Variants in PCDHGC3 observed in about 807,000 individuals in gnomAD.
PCDHGC3 encodes protocadherin gamma subfamily C, 3, also known as protocadherin gamma-C3.
Under a neutral mutation model 59.2 loss-of-function variants are expected in PCDHGC3, and 26 were observed. The observed-to-expected ratio is 0.44, with a 90% CI of 0.32 to 0.61. The LOEUF (loss-of-function observed/expected upper bound fraction) is 0.61. PCDHGC3 is among the 20% of genes least tolerant of loss of function. PCDHGC3 has a pLI of 0.05. For missense variants in PCDHGC3, 1,080 were observed against 1,221.8 expected (o/e 0.88, Z 1.73); for synonymous variants, 487 against 519.7 (o/e 0.94, Z 0.86).
At chr5:141,508,570 C>T (rs1164806696) in intron 3 of PCDHGC3, among the ~76,000 whole-genome samples, 21 of 152,198 alleles carry the variant, frequency 1.4e-4, no homozygotes. Context: ...GTCACTTGCA[C>T]CCACTCGGGG....
In PCDHGC3 at chr5:141,486,487, C is replaced by T; in HGVS notation, c.2430+7941C>T. ...CTGGGAACCCTCCTCTCAGTACCCA[C>T]AGAACTATTTTCCTCAATATTTCAG... On this transcript the variant is annotated intron_variant, in intron 1 of 3. Coordinates refer to ENST00000308177, the MANE Select transcript of PCDHGC3 (RefSeq NM_002588.4). This position sits in a 1 kb window ranked among gnomAD's most constrained non-coding sequence, Gnocchi z 5.0. 1 of 1,614,086 alleles carries T rather than the reference C, an allele frequency of 6.2e-7. No individual in the cohort carries two copies. Among genetic ancestry groups the T allele is most frequent in the Non-Finnish European group, 8.5e-7 (1 of 1,179,918 alleles).
At chr5:141,492,553 G>A (rs1184580300) in intron 1 of PCDHGC3, among the ~76,000 whole-genome samples, 1 of 152,148 alleles carries the variant, frequency 6.6e-6, no homozygotes, top group Non-Finnish European at 1.5e-5. Flanking sequence ...CGGGTCGCCT[G>A]GGGGGCGGCC....
At chr5:141,492,237 C>G (rs2099738580) in intron 1 of PCDHGC3, among the ~76,000 whole-genome samples, 1 of 152,206 alleles carries the variant, frequency 6.6e-6, no homozygotes, top group Admixed American at 6.5e-5. Flanking sequence ...TCCCTGCTGG[C>G]CACCCCCACG....
Position 141,478,323 on chromosome 5 carries a change from G to T in PCDHGC3, c.2207G>T (p.Arg736Leu), listed in dbSNP as rs1234175290. The T allele has an allele frequency of 1.2e-6, 2 of 1,613,958 alleles. No homozygotes were observed. Among genetic ancestry groups the T allele is most frequent in the African/African-American group, 2.7e-5 (2 of 75,082 alleles). Residue 736 changes from arginine (R) to leucine (L), a missense_variant, in exon 1 of 4, where the codon CGA (arginine) becomes CTA (leucine). By Grantham distance (102) the Arg-to-Leu change is moderately radical. Transcript: ENST00000308177. Reference protein sequence around the residue: ...LYRAPVSSLYRTPGPSLHADA... With the variant: ...LYRAPVSSLYLTPGPSLHADA... ...CGAGCCCCGGTGAGCTCACTGTACCGAACACCAGGGCCCTCCTTGCACGCG... is the reference window on the plus strand; with the variant it reads ...CGAGCCCCGGTGAGCTCACTGTACCTAACACCAGGGCCCTCCTTGCACGCG...
At chr5:141,481,943 G>C (rs1454871018) in intron 1 of PCDHGC3, among the ~76,000 whole-genome samples, 1 of 148,544 alleles carries the variant, frequency 6.7e-6, no homozygotes, top group South Asian at 2.1e-4. Context: ...AAATCAGCCA[G>C]ATGTGGTGGC....
Position 141,481,770 on chromosome 5 carries a change from G to T in PCDHGC3, c.2430+3224G>T, listed in dbSNP as rs188953511. 6.1e-3 allele frequency among the ~76,000 whole-genome samples: 929 copies of T among 152,184 alleles called. 10 individuals are homozygous for T. Among genetic ancestry groups the T allele is most frequent in the African/African-American group, 0.022 (895 of 41,516 alleles). On this transcript the variant is annotated intron_variant, in intron 1 of 3. Coordinates refer to ENST00000308177, the MANE Select transcript of PCDHGC3 (RefSeq NM_002588.4). ...AGTCCAAGACCAGCCTGGCCAACAT[G>T]GTGAAACCCCGTCTCTACTAAAAAT... is the stretch of plus-strand genomic sequence containing the variant.
rs2099411055 is a variant in PCDHGC3, at chr5:141,477,429, C to T, written c.1313C>T (p.Ser438Leu). 6.2e-7 allele frequency: 1 copy of T among 1,614,218 alleles called. No individual in the cohort carries two copies. Among genetic ancestry groups the T allele is most frequent in the South Asian group, 1.1e-5 (1 of 91,082 alleles). The part of the protein sequence containing the change: ...TARDAGTPSL[S>L]ALTIVRVQVS... ...CGAGACGCCGGAACCCCTTCCCTCT[C>T]AGCCCTTACAATAGTGCGTGTTCAA... Residue 438 changes from serine to leucine, a missense_variant, in exon 1 of 4, where the codon TCA (serine) becomes TTA (leucine). Coordinates refer to ENST00000308177, the MANE Select transcript of PCDHGC3 (RefSeq NM_002588.4). The surrounding 1 kb of genome is among the most constrained non-coding windows in gnomAD (Gnocchi z 4.9).
At chr5:141,501,198 G>C (rs2299024) in intron 2 of PCDHGC3, among the ~76,000 whole-genome samples, 89,086 of 151,686 alleles carry the variant, frequency 0.59, 27,759 homozygotes, top group African/African-American at 0.8. Context: ...TAAATTCAGG[G>C]TGTTGTCAGG....
chr5:141,494,115 GC>G (rs1445167222), intron 1 of PCDHGC3, among the ~76,000 whole-genome samples: 1 of 152,186 alleles, frequency 6.6e-6, no homozygotes, highest in African/African-American at 2.4e-5. Context: ...AGACAGAGCA[GC>G]CTTGTTCTCT....
rs1046764113 is a variant in PCDHGC3, at chr5:141,495,395, G to A, written c.2489+530G>A. Among the ~76,000 whole-genome samples the A allele has an allele frequency of 4.1e-4, 62 of 152,326 alleles. 1 individual carries two copies. The highest frequency in any genetic ancestry group is 1.4e-3 in the African/African-American group (57 of 41,576). On this transcript the variant is annotated intron_variant, in intron 2 of 3. Transcript: ENST00000308177. Reference sequence around the variant, plus strand: ...GAGGAAGGACTGGGCGGGGCATGGAGCAGGCCCCCTTCTCCGGCCCCTCCT... The same window carrying A: ...GAGGAAGGACTGGGCGGGGCATGGAACAGGCCCCCTTCTCCGGCCCCTCCT...
In PCDHGC3 at chr5:141,478,285, T is replaced by G. The variant is rs1468354835; in HGVS notation, c.2169T>G (p.Ser723=). The G allele has an allele frequency of 6.2e-7, 1 of 1,614,040 alleles. No homozygotes were observed. The highest frequency in any genetic ancestry group is 8.5e-7 in the Non-Finnish European group (1 of 1,180,046). Reference sequence around the variant, plus strand: ...TCAAAGTTTACAAGTGGAAGCAGTCTAGAGACCTATACCGAGCCCCGGTGA... The same window carrying G: ...TCAAAGTTTACAAGTGGAAGCAGTCGAGAGACCTATACCGAGCCCCGGTGA... ...IIFKVYKWKQ[S]RDLYRAPVSS... is the part of the protein sequence containing the mutation. Residue 723 remains serine (S), a synonymous_variant, in exon 1 of 4, where the codon TCT becomes TCG. Transcript: ENST00000308177.
intron 1 of PCDHGC3, among the ~76,000 whole-genome samples, chr5:141,481,913 CAAAAAAAAA>C (rs34114744): frequency 1.1e-5 from 1 of 90,852 alleles, no homozygotes; most frequent in Non-Finnish European, 2.2e-5. Flanking sequence ...AACTCCATCT[CAAAAAAAAA>C]AAAAAAAAAA....
At chr5:141,483,329 A>C (rs1463046335) in intron 1 of PCDHGC3, among the ~76,000 whole-genome samples, 3 of 152,182 alleles carry the variant, frequency 2.0e-5, no homozygotes, top group Non-Finnish European at 2.9e-5. Flanking sequence ...GGAGGCAAAG[A>C]GATCTTATCT....
rs2233607 is a variant in PCDHGC3 at position 141,490,647 on chromosome 5, G to A, written c.2431-4160G>A. The A allele has an allele frequency of 2.5e-3, 3,973 of 1,614,082 alleles. 41 individuals carry two copies. The African/African-American group carries it at 0.027, about 11-fold the overall frequency. ...CTTACATCCTAGAAAACCGGCCTCC[G>A]GGCTCCCTTCTTTGCACTGTGGCTG... is the stretch of plus-strand genomic sequence containing the variant. On this transcript the variant is annotated intron_variant, in intron 1 of 3. Transcript: ENST00000308177. The surrounding 1 kb of genome is among the most constrained non-coding windows in gnomAD (Gnocchi z 5.4).
intron 2 of PCDHGC3, among the ~76,000 whole-genome samples, chr5:141,499,314 A>C (rs2099791047): frequency 6.6e-6 from 1 of 152,238 alleles, no homozygotes; most frequent in Non-Finnish European, 1.5e-5. Context: ...TCTGAGAGAC[A>C]GTATCCCTGC....
At chr5:141,483,972 A>G in intron 1 of PCDHGC3, among the ~76,000 whole-genome samples, 1 of 83,960 alleles carries the variant, frequency 1.2e-5, no homozygotes, top group Admixed American at 1.8e-4. Context: ...TGCTTGTGCA[A>G]GGGAGTAGCT....
Position 141,511,380 on chromosome 5 carries a change from C to T in PCDHGC3, c.*207C>T, listed in dbSNP as rs896762148. 1.5e-5 allele frequency: 18 copies of T among 1,170,372 alleles called. No homozygotes were observed. The highest frequency in any genetic ancestry group is 3.0e-4 in the Middle Eastern group (1 of 3,384). 72.5% of individuals were successfully genotyped at this position (1,170,372 alleles called of 1,614,324 possible). ...GGGGTTGAATATGCAAAAGCAGTTC[C>T]GCTGGGAACCCCCATCCAATCAACT... is the stretch of plus-strand genomic sequence containing the variant. On this transcript the variant is annotated 3_prime_UTR_variant, in exon 4 of 4. Coordinates refer to ENST00000308177, the MANE Select transcript of PCDHGC3 (RefSeq NM_002588.4).
Position 141,478,018 on chromosome 5 carries a change from C to G in PCDHGC3, c.1902C>G (p.Val634=). Residue 634 remains valine, a synonymous_variant, in exon 1 of 4, where the codon GTC becomes GTG. Transcript: ENST00000308177. The part of the protein sequence containing the change: ...HTGQISTARP[V]QDTDSPRQTL... ...GTCAAATCAGTACTGCCCGTCCAGTCCAAGACACAGATTCACCCAGGCAGA... is the reference window on the plus strand; with the variant it reads ...GTCAAATCAGTACTGCCCGTCCAGTGCAAGACACAGATTCACCCAGGCAGA... 6.2e-7 allele frequency: 1 copy of G among 1,614,124 alleles called. No individual in the cohort carries two copies. The highest frequency in any genetic ancestry group is 8.5e-7 in the Non-Finnish European group (1 of 1,180,022).
In PCDHGC3 at chr5:141,478,299, G is replaced by A. The variant is rs201916687; in HGVS notation, c.2183G>A (p.Arg728Gln). ...YKWKQSRDLYRAPVSSLYRTP... is the reference protein window; with the variant it reads ...YKWKQSRDLYQAPVSSLYRTP... ...TGGAAGCAGTCTAGAGACCTATACC[G>A]AGCCCCGGTGAGCTCACTGTACCGA... is the stretch of plus-strand genomic sequence containing the variant. The change falls in exon 1 of 4, where the codon CGA becomes CAA. Residue 728 changes from arginine (R) to glutamine (Q), a missense_variant. Arg to Gln is a conservative substitution (Grantham distance 43, BLOSUM62 1). Coordinates refer to ENST00000308177, the MANE Select transcript of PCDHGC3 (RefSeq NM_002588.4). The A allele has an allele frequency of 6.2e-7, 1 of 1,614,056 alleles. No individual in the cohort carries two copies. Among genetic ancestry groups the A allele is most frequent in the Non-Finnish European group, 8.5e-7 (1 of 1,180,034 alleles).
Sources: allele counts gnomAD v4.1 joint callset (sites outside exome capture counted in the v4.1 genomes callset), GRCh38; gene constraint gnomAD v4.1.1; non-coding constraint Gnocchi (gnomAD v3.1); transcripts MANE v1.5; gene names NCBI Gene and HGNC (gene_info 2026-07-23, HGNC 2026-07-21).